Variants in PAM16 observed in about 807,000 individuals in gnomAD.
PAM16 encodes the protein mitochondrial import inner membrane translocase subunit TIM16.
PAM16 carries 11 observed loss-of-function variants against 17.9 expected under a neutral mutation model. The ratio of observed to expected loss-of-function variants is 0.62; its 90% confidence interval spans 0.39 to 1.02. PAM16 has a LOEUF of 1.02. Ranked by LOEUF, PAM16 falls within the 50% of genes least tolerant of loss-of-function variation. The probability of loss-of-function intolerance (pLI) is 0.01; values close to 1 mark genes in which losing one functional copy is unlikely to be tolerated. For synonymous variants in PAM16, 72 were observed against 67.4 expected, an observed-to-expected ratio of 1.07 and a Z score of -0.34; for missense variants, 199 against 165.4, an observed-to-expected ratio of 1.20 and a Z score of -1.11.
intron 1 of PAM16, among the ~76,000 whole-genome samples, chr16:4,346,210 CTG>C (rs2053756582): frequency 6.6e-6 from 1 of 152,200 alleles, no homozygotes; most frequent in African/African-American, 2.4e-5. Context: ...GGAGGCATCT[CTG>C]AGAAGACGCA....
At chr16:4,345,680 A>G (rs895921788) in intron 1 of PAM16, 2 of 171,418 alleles carry the variant, frequency 1.2e-5, no homozygotes, top group African/African-American at 4.8e-5. Flanking sequence ...CACAGCAGAA[A>G]GAGCCCAGAG....
intron 2 of PAM16, 138 bp downstream of exon 2, chr16:4,343,069 G>T: frequency 8.8e-7 from 1 of 1,135,934 alleles, no homozygotes; most frequent in Non-Finnish European, 1.3e-6. Flanking sequence ...GCCCCGGTCT[G>T]GCATCACCCC....
chr16:4,347,378 G>A (rs997540484), intron 1 of PAM16: 3 of 152,196 alleles, frequency 2.0e-5, no homozygotes, highest in African/African-American at 7.2e-5. Context: ...AGGTTCGCAT[G>A]AACTGCCCTC....
chr16:4,344,325 G>A (rs1328681266), intron 1 of PAM16, among the ~76,000 whole-genome samples: 2 of 14,154 alleles, frequency 1.4e-4, no homozygotes, highest in African/African-American at 1.0e-3. Flanking sequence ...AGAGGAGGGG[G>A]TTCCGTGAGA....
intron 1 of PAM16, chr16:4,345,399 G>C (rs2141150031): frequency 6.6e-6 from 1 of 152,262 alleles, no homozygotes; most frequent in East Asian, 1.9e-4. Flanking sequence ...CCCAAGGCTG[G>C]TGCTATCTGT....
intron 1 of PAM16, among the ~76,000 whole-genome samples, chr16:4,345,023 A>T (rs2053732832): frequency 6.6e-6 from 1 of 152,022 alleles, no homozygotes; most frequent in Non-Finnish European, 1.5e-5. Flanking sequence ...CCTGGGAAAG[A>T]CTGGGAATCT....
rs1178974332 is a variant in PAM16 at position 4,340,984 on chromosome 16, T to C, written c.227A>G (p.Asn76Ser). Residue 76 changes from asparagine (N) to serine (S), a missense_variant and splice_region_variant, in exon 4 of 5, where the codon AAC (asparagine) becomes AGC (serine). Transcript: ENST00000318059. Reference protein sequence around the residue: ...SKLSPEEVQKNYEHLFKVNDK... With the variant: ...SKLSPEEVQKSYEHLFKVNDK... ...ATTCACCTTAAATAAGTGTTCATAG[T>C]TCTGCAGAGGAGAGGGGACGGGTGA... The C allele has an allele frequency of 1.2e-6, 2 of 1,613,558 alleles. No homozygotes were observed. Among genetic ancestry groups the C allele is most frequent in the South Asian group, 1.1e-5 (1 of 91,092 alleles).
chr16:4,340,831 C>G (rs1017798412), intron 4 of PAM16, 89 bp downstream of exon 4: 25 of 1,526,356 alleles, frequency 1.6e-5, no homozygotes, highest in Non-Finnish European at 1.5e-5. Flanking sequence ...AAGCCCTTAG[C>G]TGGCCAGCTC....
intron 1 of PAM16, chr16:4,350,917 G>C (rs1253915401): frequency 3.7e-6 from 1 of 269,180 alleles, no homozygotes; most frequent in Non-Finnish European, 6.9e-6. Flanking sequence ...AAGGTTCCAG[G>C]GCAGGGGAGG....
chr16:4,350,331 A>G (rs979158316), intron 1 of PAM16, among the ~76,000 whole-genome samples: 2 of 149,666 alleles, frequency 1.3e-5, no homozygotes, highest in African/African-American at 4.9e-5. Flanking sequence ...TATAAAATAC[A>G]TGATATATAA....
At chr16:4,350,659 C>A (rs2053837074) in intron 1 of PAM16, among the ~76,000 whole-genome samples, 2 of 152,192 alleles carry the variant, frequency 1.3e-5, no homozygotes, top group South Asian at 4.1e-4. Context: ...CTCGGCCTCC[C>A]AGAGTGCTGG....
At chr16:4,351,064 C>G (rs552840147) in intron 1 of PAM16, 168 bp downstream of exon 1, 2 of 354,120 alleles carry the variant, frequency 5.6e-6, no homozygotes, top group Non-Finnish European at 9.9e-6. Context: ...CCGGTGCCGC[C>G]GCTGCCGGCC....
intron 2 of PAM16, 98 bp from the exon 3 acceptor site, chr16:4,341,602 G>T: frequency 6.7e-7 from 1 of 1,484,352 alleles, no homozygotes; most frequent in South Asian, 1.3e-5. Context: ...AGCACAGGAT[G>T]AGAGACACAG....
At chr16:4,341,692 C>T (rs1401920283) in intron 2 of PAM16, 188 bp from the exon 3 acceptor site, 12 of 978,680 alleles carry the variant, frequency 1.2e-5, no homozygotes, top group Admixed American at 5.7e-5. Context: ...TGAGGACAGA[C>T]GTGCCTCACT....
rs955845240 is a variant in PAM16, at chr16:4,343,142, G to C, written c.88+65C>G. The C allele has an allele frequency of 2.5e-6, 4 of 1,607,638 alleles. No homozygotes were observed. In the East Asian group the frequency reaches 6.7e-5, roughly 27 times the overall value. ...AACCGCCAGGCCTGAGGTGCCCATGGCTACGGGGAAAATCTGACCTGGAGA... is the reference window on the plus strand; with the variant it reads ...AACCGCCAGGCCTGAGGTGCCCATGCCTACGGGGAAAATCTGACCTGGAGA... On this transcript the variant is annotated intron_variant, in intron 2 of 4. Coordinates refer to ENST00000318059, the MANE Select transcript of PAM16 (RefSeq NM_016069.11).
intron 1 of PAM16, chr16:4,346,559 A>G (rs1309966551): frequency 2.6e-5 from 4 of 152,214 alleles, no homozygotes; most frequent in African/African-American, 9.7e-5. Context: ...GCAAAACACC[A>G]TACTACATTC....
rs369441725 is a variant in PAM16, at chr16:4,351,242, G to A, written c.-8C>T. ...CGACTCGGGGCTCACCATGGCAGCC[G>A]CTCTGCCTCCGGGGCTCAAACTCCG... On this transcript the variant is annotated 5_prime_UTR_variant, in exon 1 of 5. Transcript: ENST00000318059. 6.1e-6 allele frequency: 9 copies of A among 1,466,288 alleles called. No homozygotes were observed. In the Admixed American group the frequency reaches 1.0e-4, roughly 17 times the overall value. 90.8% of individuals were successfully genotyped at this position (1,466,288 alleles called of 1,614,324 possible).
chr16:4,340,883 C>T (rs780424910), intron 4 of PAM16, 37 bp downstream of exon 4: 22 of 1,611,852 alleles, frequency 1.4e-5, no homozygotes, highest in Non-Finnish European at 1.8e-5. Flanking sequence ...GAAGGGGTCC[C>T]ATGACTTCAT....
intron 1 of PAM16, chr16:4,344,218 C>A: frequency 7.7e-6 from 1 of 129,510 alleles, no homozygotes; most frequent in South Asian, 4.6e-4. Context: ...GGAGGGCGTT[C>A]CGTGAGAGGA....
Sources: gnomAD v4.1 joint callset for allele counts (sites outside exome capture counted in the v4.1 genomes callset) on GRCh38, gnomAD v4.1.1 for gene constraint, MANE v1.5 for transcripts, NCBI Gene and HGNC (gene_info 2026-07-23, HGNC 2026-07-21) for gene names.